ZNF431: variants seen among roughly 807,000 people sequenced by gnomAD.
ZNF431 encodes zinc finger protein 431.
ZNF431 carries 34 observed loss-of-function variants against 57.0 expected under a neutral mutation model. The ratio of observed to expected loss-of-function variants is 0.60; its 90% CI spans 0.45 to 0.79. ZNF431 has a LOEUF of 0.79. Among genes scored for constraint, ZNF431 ranks in the 30% least tolerant of loss-of-function variants. The pLI is 0.00. For missense variants in ZNF431, 607 were observed against 667.1 expected (o/e 0.91, Z 0.99); for synonymous variants, 207 against 220.3 (o/e 0.94, Z 0.54).
At position 21,154,027 on chromosome 19, in the gene ZNF431, T is replaced by G. The variant is rs966072269; in HGVS notation, c.96+10384T>G. Among the ~76,000 whole-genome samples the G allele has an allele frequency of 4.3e-3, 651 of 151,068 alleles. 4 individuals are homozygous for G. Among genetic ancestry groups the G allele is most frequent in the African/African-American group, 0.011 (446 of 40,996 alleles). On this transcript the variant is annotated intron_variant, in intron 2 of 4. Coordinates refer to ENST00000311048, the MANE Select transcript of ZNF431 (RefSeq NM_133473.4). ...CGCCGCACCCATTGGGAGTCCCCAATTTTTTTTTTATTATACTTTAAGTTT... is the reference window on the plus strand; with the variant it reads ...CGCCGCACCCATTGGGAGTCCCCAAGTTTTTTTTTATTATACTTTAAGTTT...
At chr19:21,175,572 A>AT (rs761270169) in intron 4 of ZNF431, 118 of 550,002 alleles carry the variant, frequency 2.1e-4, no homozygotes, top group Non-Finnish European at 3.5e-4. Flanking sequence ...ATTTATCCTG[A>AT]TTCTCTCCCT....
chr19:21,146,465 A>G (rs1970100283), intron 2 of ZNF431, among the ~76,000 whole-genome samples: 3 of 151,742 alleles, frequency 2.0e-5, no homozygotes, highest in South Asian at 2.1e-4. Flanking sequence ...AGAATGGCTT[A>G]CTCCATAGGC....
chr19:21,176,685 A>ATTTAT (rs1338662542), intron 4 of ZNF431, among the ~76,000 whole-genome samples: 1 of 151,922 alleles, frequency 6.6e-6, no homozygotes, highest in Non-Finnish European at 1.5e-5. Flanking sequence ...TCTGATGATA[A>ATTTAT]TTTATTTTAT....
Position 21,142,166 on chromosome 19 carries a change from C to A in ZNF431, c.-18C>A. 1 of 1,612,726 alleles carries A rather than the reference C, an allele frequency of 6.2e-7. No homozygotes were observed. The highest frequency in any genetic ancestry group is 1.1e-5 in the South Asian group (1 of 90,972). On this transcript the variant is annotated 5_prime_UTR_variant, in exon 1 of 5. Transcript: ENST00000311048. ...GAGACCCACAGCTAAGACACCGGGA[C>A]CCCCTGAAAGCCTAGAAATGGTGAG...
intron 2 of ZNF431, among the ~76,000 whole-genome samples, chr19:21,152,620 G>A (rs1434728945): frequency 2.0e-5 from 3 of 152,086 alleles, no homozygotes; most frequent in South Asian, 2.1e-4. Flanking sequence ...TTCTAAGCTC[G>A]GCCTCAAATC....
At chr19:21,163,133 A>C (rs918305742) in intron 2 of ZNF431, among the ~76,000 whole-genome samples, 2 of 151,836 alleles carry the variant, frequency 1.3e-5, no homozygotes, top group African/African-American at 2.4e-5. Flanking sequence ...GTTATTCCCC[A>C]CATAGTGCTC....
intron 4 of ZNF431, among the ~76,000 whole-genome samples, chr19:21,175,110 G>T (rs1004544418): frequency 7.2e-5 from 11 of 152,140 alleles, no homozygotes; most frequent in African/African-American, 2.7e-4. Context: ...CTGGTTTGCA[G>T]TGGCATGATC....
At chr19:21,153,431 A>C (rs1427987292) in intron 2 of ZNF431, among the ~76,000 whole-genome samples, 1 of 152,222 alleles carries the variant, frequency 6.6e-6, no homozygotes, top group Non-Finnish European at 1.5e-5. Context: ...GATAAATAAG[A>C]AAAGAGAGCA....
intron 1 of ZNF431, among the ~76,000 whole-genome samples, 190 bp from the exon 2 acceptor site, chr19:21,143,361 C>G (rs1969993609): frequency 6.6e-6 from 1 of 152,130 alleles, no homozygotes. Flanking sequence ...GCACAGAGAT[C>G]TTGTCAGAAT....
Position 21,183,702 on chromosome 19 carries a change from C to T in ZNF431, c.1399C>T (p.Gln467Ter). 1.2e-6 allele frequency: 2 copies of T among 1,613,232 alleles called. No homozygotes were observed. The highest frequency in any genetic ancestry group is 2.2e-5 in the East Asian group (1 of 44,820). Reference sequence around the variant, plus strand: ...TGAAGAATGTGGCAAAGCTTTTAGCCAGTCATCAATCCTTACTACACATAA... The same window carrying T: ...TGAAGAATGTGGCAAAGCTTTTAGCTAGTCATCAATCCTTACTACACATAA... ...KCEECGKAFS[Q>*]SSILTTHKRI... Residue 467 changes from glutamine to a stop codon, truncating the protein, a stop_gained, in exon 5 of 5, where the codon CAG (glutamine) becomes TAG (stop). Transcript: ENST00000311048. LOFTEE classifies it high-confidence loss of function.
At chr19:21,158,074 TTTGGTAGTTTGATACAAATAGCATTAAA>T (rs1344273634) in intron 2 of ZNF431, among the ~76,000 whole-genome samples, 1 of 152,134 alleles carries the variant, frequency 6.6e-6, no homozygotes, top group African/African-American at 2.4e-5. Context: ...TTAACAGCGT[TTTGGTAGTTTGATACAAATAGCATTAAA>T]TTGGTAAATG....
chr19:21,143,626 T>A lies in ZNF431; in HGVS notation c.79T>A (p.Tyr27Asn). The A allele has an allele frequency of 6.2e-7, 1 of 1,613,810 alleles. No individual in the cohort carries two copies. The highest frequency in any genetic ancestry group is 8.5e-7 in the Non-Finnish European group (1 of 1,179,696). Residue 27 changes from tyrosine (Y) to asparagine (N), a missense_variant, in exon 2 of 5, where the codon TAC becomes AAC. Transcript: ENST00000311048. ...TGGGGCTGAGAGGAATCTTCTAGTT[T>A]ACTCTTATTTTGAAAAGGTAACCTC... ...CPGAERNLLV[Y>N]SYFEKETLTF... is the part of the protein sequence containing the mutation.
At position 21,142,076 on chromosome 19, in the gene ZNF431, C is replaced by T. The variant is rs1969953417; in HGVS notation, c.-108C>T. 2.0e-6 allele frequency: 3 copies of T among 1,468,726 alleles called. No homozygotes were observed. The Admixed American group carries it at 5.2e-5, about 25-fold the overall frequency. 91.0% of individuals were successfully genotyped at this position (1,468,726 alleles called of 1,614,324 possible). ...CAGCCTGAGCTCCAGGTCTCCCCTT[C>T]GCTGCTCTGTGTCCTCTGCTCCTAG... On this transcript the variant is annotated 5_prime_UTR_variant, in exon 1 of 5. Transcript: ENST00000311048.
At chr19:21,181,908 TATA>T (rs1479241931) in intron 4 of ZNF431, among the ~76,000 whole-genome samples, 1 of 152,210 alleles carries the variant, frequency 6.6e-6, no homozygotes, top group African/African-American at 2.4e-5. Context: ...TCACATTGTT[TATA>T]ATGTAGCTTT....
intron 1 of ZNF431, among the ~76,000 whole-genome samples, chr19:21,142,397 A>C (rs901320318): frequency 1.1e-4 from 16 of 152,214 alleles, no homozygotes; most frequent in Admixed American, 6.5e-5. Flanking sequence ...TCTTCACTGC[A>C]CAGTGACTGT....
intron 4 of ZNF431, among the ~76,000 whole-genome samples, chr19:21,172,219 A>C (rs1847719638): frequency 6.6e-6 from 1 of 151,560 alleles, no homozygotes; most frequent in Admixed American, 6.6e-5. Flanking sequence ...ACTTAGGGTC[A>C]GGAGCTCCAG....
chr19:21,165,658 T>C (rs952422714), intron 2 of ZNF431, among the ~76,000 whole-genome samples: 2 of 152,168 alleles, frequency 1.3e-5, no homozygotes, highest in African/African-American at 4.8e-5. Context: ...ATACAGCTAA[T>C]GTGCATAAAC....
At position 21,184,361 on chromosome 19, in the gene ZNF431, T is replaced by C. The variant is rs1042021908; in HGVS notation, c.*327T>C. On this transcript the variant is annotated 3_prime_UTR_variant, in exon 5 of 5. Coordinates refer to ENST00000311048, the MANE Select transcript of ZNF431 (RefSeq NM_133473.4). The stretch of plus-strand genomic sequence containing the variant: ...GAGACTCCGTCTCAAAAAAAATTTA[T>C]ACTGTACAAAAACCCCACAAGTGTG... The C allele has an allele frequency of 5.3e-6, 1 of 189,530 alleles. No individual in the cohort carries two copies. The highest frequency in any genetic ancestry group is 1.1e-5 in the Non-Finnish European group (1 of 91,328). 11.7% of individuals were successfully genotyped at this position (189,530 alleles called of 1,614,324 possible).
Position 21,194,619 on chromosome 19 carries a change from C to G in ZNF431, c.*10585C>G, listed in dbSNP as rs1318823279. On this transcript the variant is annotated 3_prime_UTR_variant, in exon 5 of 5. Coordinates refer to ENST00000311048, the MANE Select transcript of ZNF431 (RefSeq NM_133473.4). Reference sequence around the variant, plus strand: ...AAGTAGCTGGGATTACAGGTGCCCACCAGCACACCTGGCTAATTTTTATGT... The same window carrying G: ...AAGTAGCTGGGATTACAGGTGCCCAGCAGCACACCTGGCTAATTTTTATGT... 6.6e-6 allele frequency: 1 copy of G among 152,032 alleles called. No individual in the cohort carries two copies. 9.4% of individuals were successfully genotyped at this position (152,032 alleles called of 1,614,324 possible). A position where few individuals can be genotyped will look rare whatever the true frequency, so the allele number is the denominator to read the frequency against.
Sources: gnomAD v4.1 joint callset for allele counts (sites outside exome capture counted in the v4.1 genomes callset) on GRCh38, gnomAD v4.1.1 for gene constraint, MANE v1.5 for transcripts, NCBI Gene and HGNC (gene_info 2026-07-23, HGNC 2026-07-21) for gene names.